TPR: variants seen among roughly 807,000 people sequenced by gnomAD.
TPR encodes the protein nucleoprotein TPR.
Under a neutral mutation model 316.1 loss-of-function variants are expected in TPR, and 51 were observed. The observed-to-expected ratio is 0.16, with a 90% CI of 0.13 to 0.20. The LOEUF (loss-of-function observed/expected upper bound fraction) is 0.20. Ranked by LOEUF, TPR falls within the 10% of genes least tolerant of loss-of-function variation. TPR has a pLI of 1.00. For missense variants in TPR, 2,272 were observed against 2,754.8 expected, an observed-to-expected ratio of 0.82 and a Z score of 3.92; for synonymous variants, 981 against 914.7, an observed-to-expected ratio of 1.07 and a Z score of -1.31.
At chr1:186,347,076 C>T (rs151038404) in intron 22 of TPR, among the ~76,000 whole-genome samples, 13 of 152,316 alleles carry the variant, frequency 8.5e-5, no homozygotes, top group Admixed American at 2.0e-4. Flanking sequence ...AACATTTTAT[C>T]TGGACCATTC....
rs1449698404 is a variant in TPR at position 186,338,205 on chromosome 1, T to C, written c.4190A>G (p.Gln1397Arg). ...TTTATTTAGATCTTCCTTCAGACTC[T>C]GAATTAAGTTCTGGTTGTTAGTCAA... ...ASLTNNQNLI[Q>R]SLKEDLNKVR... Residue 1397 changes from glutamine to arginine, a missense_variant, in exon 31 of 51, where the codon CAG becomes CGG. By Grantham distance (43) the Gln-to-Arg change is conservative (BLOSUM62 1). This residue lies in a region of TPR where 96 missense variants were observed against 134.6 expected (regional missense o/e 0.71). Coordinates refer to ENST00000367478, the MANE Select transcript of TPR (RefSeq NM_003292.3). The C allele has an allele frequency of 1.2e-6, 2 of 1,612,414 alleles. No homozygotes were observed. The highest frequency in any genetic ancestry group is 1.7e-5 in the Admixed American group (1 of 59,910).
chr1:186,353,498 T>A (rs987648155), intron 18 of TPR, among the ~76,000 whole-genome samples, 190 bp downstream of exon 18: 6 of 152,206 alleles, frequency 3.9e-5, no homozygotes, highest in Non-Finnish European at 8.8e-5. Flanking sequence ...CTTTCCCTCT[T>A]CTATCTTAAT....
Position 186,313,407 on chromosome 1 carries a change from T to C in TPR, c.*564A>G, listed in dbSNP as rs1571590113. 5.2e-6 allele frequency: 2 copies of C among 387,924 alleles called. No homozygotes were observed. The highest frequency in any genetic ancestry group is 9.3e-6 in the Non-Finnish European group (2 of 215,326). 24.0% of individuals were successfully genotyped at this position (387,924 alleles called of 1,614,324 possible). A position where few individuals can be genotyped will look rare whatever the true frequency, so the allele number is the denominator to read the frequency against. On this transcript the variant is annotated 3_prime_UTR_variant, in exon 51 of 51. Transcript: ENST00000367478. ...GGAATAACCCCAAGTAAATTATTTT[T>C]CAAACTTGGTTACTCTTTAATGTTT...
At chr1:186,345,764 G>T in intron 23 of TPR, 68 bp from the exon 24 acceptor site, 1 of 1,127,064 alleles carries the variant, frequency 8.9e-7, no homozygotes, top group Non-Finnish European at 1.3e-6. Context: ...CTGTATTGTA[G>T]TGTTACTAAA....
rs1291170212 is a variant in TPR at position 186,352,104 on chromosome 1, C to A, written c.2341G>T (p.Ala781Ser). 1 of 1,599,562 alleles carries A rather than the reference C, an allele frequency of 6.3e-7. No individual in the cohort carries two copies. The highest frequency in any genetic ancestry group is 1.1e-5 in the South Asian group (1 of 87,682). ...NEKLAVAEVR[A>S]ENLKKEKEML... ...TCCTTTTCCTTCTTCAAATTTTCTGCTCTTACCTAAACATAAGTAGAAATG... is the reference window on the plus strand; with the variant it reads ...TCCTTTTCCTTCTTCAAATTTTCTGATCTTACCTAAACATAAGTAGAAATG... Residue 781 changes from alanine (A) to serine (S), a missense_variant, in exon 19 of 51, where the codon GCA becomes TCA. Physicochemically the swap from Ala to Ser is moderately conservative, Grantham distance 99. This residue lies in a region of TPR where 757 missense variants were observed against 859.8 expected (regional missense o/e 0.88). Coordinates refer to ENST00000367478, the MANE Select transcript of TPR (RefSeq NM_003292.3).
rs150689294 is a variant in TPR, at chr1:186,352,888, G to C, written c.2335-778C>G. 7.0e-4 allele frequency among the ~76,000 whole-genome samples: 107 copies of C among 152,158 alleles called. 2 individuals are homozygous for C. In the East Asian group the frequency reaches 0.014, roughly 19 times the overall value. ...CAACTATACCTAGCTTACAAGTAAT[G>C]ATCAAAGACAGAAGAGATAACTGAA... On this transcript the variant is annotated intron_variant, in intron 18 of 50. Coordinates refer to ENST00000367478, the MANE Select transcript of TPR (RefSeq NM_003292.3).
At chr1:186,344,227 C>T in intron 25 of TPR, 137 bp from the exon 26 acceptor site, 2 of 1,359,022 alleles carry the variant, frequency 1.5e-6, no homozygotes, top group Non-Finnish European at 2.0e-6. Flanking sequence ...TTGAACCCAG[C>T]AGGTGGAGAT....
intron 2 of TPR, among the ~76,000 whole-genome samples, chr1:186,371,964 C>A (rs1315695388): frequency 6.6e-6 from 1 of 152,126 alleles, no homozygotes; most frequent in African/African-American, 2.4e-5. Context: ...TGTATTCAGT[C>A]ATTTTTCTCA....
At chr1:186,335,955 T>TAAA (rs1453582372) in intron 33 of TPR, among the ~76,000 whole-genome samples, 1 of 151,924 alleles carries the variant, frequency 6.6e-6, no homozygotes, top group African/African-American at 2.4e-5. Context: ...GAGATCATTT[T>TAAA]AAAAAAATGC....
intron 6 of TPR, 51 bp downstream of exon 6, chr1:186,362,786 C>T (rs746941696): frequency 2.1e-6 from 3 of 1,463,280 alleles, no homozygotes; most frequent in Non-Finnish European, 2.8e-6. Context: ...AACTGACATA[C>T]AAATGTAAGT....
chr1:186,314,696 G>C lies in TPR; in HGVS notation c.6969C>G (p.Phe2323Leu). The part of the protein sequence containing the change: ...VDTSSSQPKP[F>L]RRVRLQTTLR... ...ATGTTGTCTGAAGTCTTACTCGTCT[G>C]AAAGGCTTTGGTTGACTACTACTAG... The change falls in exon 50 of 51, where the codon TTC (phenylalanine) becomes TTG (leucine). Residue 2323 changes from phenylalanine (F) to leucine (L), a missense_variant. By Grantham distance (22) the Phe-to-Leu change is conservative. Coordinates refer to ENST00000367478, the MANE Select transcript of TPR (RefSeq NM_003292.3). 6.2e-7 allele frequency: 1 copy of C among 1,612,656 alleles called. No individual in the cohort carries two copies. The highest frequency in any genetic ancestry group is 1.1e-5 in the South Asian group (1 of 90,948).
Position 186,312,254 on chromosome 1 carries a change from A to G in TPR, c.*1717T>C. On this transcript the variant is annotated 3_prime_UTR_variant, in exon 51 of 51. Coordinates refer to ENST00000367478, the MANE Select transcript of TPR (RefSeq NM_003292.3). Reference sequence around the variant, plus strand: ...GAAGAAGGCCTGCTCTAAATTATCCAGTGTATGGAGAAACGACACAGGTTA... The same window carrying G: ...GAAGAAGGCCTGCTCTAAATTATCCGGTGTATGGAGAAACGACACAGGTTA... 1 of 1,614,092 alleles carries G rather than the reference A, an allele frequency of 6.2e-7. No homozygotes were observed.
In TPR at chr1:186,318,726, T is replaced by A. The variant is rs1256914182; in HGVS notation, c.6664+7A>T. The A allele has an allele frequency of 6.2e-7, 1 of 1,613,950 alleles. No homozygotes were observed. The highest frequency in any genetic ancestry group is 8.5e-7 in the Non-Finnish European group (1 of 1,179,982). On this transcript the variant is annotated splice_region_variant and intron_variant, in intron 47 of 50. Transcript: ENST00000367478. ...AACAGAACCTACTATCTGCCTTTGATCCCTACCTGGGGCTGCTACTTGTAG... is the reference window on the plus strand; with the variant it reads ...AACAGAACCTACTATCTGCCTTTGAACCCTACCTGGGGCTGCTACTTGTAG...
intron 39 of TPR, 88 bp downstream of exon 39, chr1:186,331,410 A>C: frequency 2.2e-6 from 2 of 929,762 alleles, no homozygotes; most frequent in Non-Finnish European, 3.3e-6. Flanking sequence ...AGCTAAAAAA[A>C]AAAAGACCAA....
In TPR at chr1:186,355,745, G is replaced by A; in HGVS notation, c.1912C>T (p.Leu638Phe). 2.5e-6 allele frequency: 4 copies of A among 1,614,020 alleles called. No homozygotes were observed. Among genetic ancestry groups the A allele is most frequent in the South Asian group, 1.1e-5 (1 of 91,064 alleles). ...LHASSLDDVSLASTPKRPSTS... is the reference protein window; with the variant it reads ...LHASSLDDVSFASTPKRPSTS... ...CTTGGACGTTTTGGAGTTGATGCAA[G>A]AGAAACATCATCTAAGCTTGAAGCT... Residue 638 changes from leucine (L) to phenylalanine (F), a missense_variant, in exon 16 of 51, where the codon CTT becomes TTT. Transcript: ENST00000367478.
chr1:186,337,995 C>T (rs751365307), intron 31 of TPR, 38 bp downstream of exon 31: 39 of 1,476,968 alleles, frequency 2.6e-5, no homozygotes, highest in Non-Finnish European at 1.7e-5. Context: ...TAACATTCAT[C>T]CTAGTTTTTT....
chr1:186,372,482 CAG>C (rs1659562259), intron 2 of TPR, among the ~76,000 whole-genome samples: 1 of 151,736 alleles, frequency 6.6e-6, no homozygotes, highest in South Asian at 2.1e-4. Flanking sequence ...GCAGAGGTTG[CAG>C]AGAGCCAAGA....
At chr1:186,316,810 A>T (rs1445188690) in intron 49 of TPR, among the ~76,000 whole-genome samples, 1 of 152,246 alleles carries the variant, frequency 6.6e-6, no homozygotes, top group Non-Finnish European at 1.5e-5. Flanking sequence ...AGAATCAAAT[A>T]AGGAAATATA....
At chr1:186,350,531 A>C (rs570389532) in intron 20 of TPR, 143 bp from the exon 21 acceptor site, 428 of 575,726 alleles carry the variant, frequency 7.4e-4, no homozygotes, top group Non-Finnish European at 1.1e-3. Flanking sequence ...GCCAAAAAAA[A>C]CCAGACAAAA....
Sources: gnomAD v4.1 joint callset for allele counts (sites outside exome capture counted in the v4.1 genomes callset) on GRCh38, gnomAD v4.1.1 for gene constraint, gnomAD v4.1.1 regional missense constraint, MANE v1.5 for transcripts, NCBI Gene and HGNC (gene_info 2026-07-23, HGNC 2026-07-21) for gene names.